Variants in SHF observed in about 807,000 individuals in gnomAD.
SHF encodes the protein Src homology 2 domain containing F, also known as SH2 domain-containing adapter protein F.
SHF carries 30 observed loss-of-function variants against 42.4 expected under a neutral mutation model. That is an observed-to-expected ratio of 0.71 (90% CI 0.53 to 0.96). The LOEUF (loss-of-function observed/expected upper bound fraction) is 0.96, where lower values mean the gene tolerates loss of function less well. Among genes scored for constraint, SHF ranks in the 40% least tolerant of loss-of-function variants. The pLI, the probability that SHF is intolerant of heterozygous loss-of-function variation, is 0.00. For missense variants in SHF, 598 were observed against 634.0 expected (o/e 0.94, Z 0.61); for synonymous variants, 264 against 269.9 (o/e 0.98, Z 0.21).
At chr15:45,180,586 T>C (rs901569519) in intron 1 of SHF, among the ~76,000 whole-genome samples, 4 of 152,250 alleles carry the variant, frequency 2.6e-5, no homozygotes, top group Non-Finnish European at 5.9e-5. Flanking sequence ...TGGATCACTT[T>C]GTTACCAGAA....
At chr15:45,187,108 T>C (rs1898456125) in intron 1 of SHF, among the ~76,000 whole-genome samples, 2 of 151,566 alleles carry the variant, frequency 1.3e-5, no homozygotes, top group South Asian at 4.2e-4. Context: ...CATCAACCAG[T>C]GGGGGTTGGG....
At chr15:45,187,312 C>T (rs894866488) in intron 1 of SHF, 142 bp downstream of exon 1, 3 of 798,582 alleles carry the variant, frequency 3.8e-6, no homozygotes, top group East Asian at 6.8e-5. Context: ...GGTGAAGGCT[C>T]GGAACCCCGG....
In SHF at chr15:45,171,944, CTT is replaced by C. The variant is rs1344103852; in HGVS notation, c.1217_1218del (p.Lys406ArgfsTer10). On this transcript the variant is annotated frameshift_variant, in exon 6 of 7. Transcript: ENST00000690270. LOFTEE classifies it high-confidence loss of function. ...CTGTTGCGCACCAGGTAGCTGGCCT[CTT>C]TGCACAGCCGGAGCAGGTTCTCGGC... ...TDAENLLRLC[K>X]EASYLVRNSE... 8 of 1,613,928 alleles carry C rather than the reference CTT, an allele frequency of 5.0e-6. No individual in the cohort carries two copies. The highest frequency in any genetic ancestry group is 6.8e-6 in the Non-Finnish European group (8 of 1,179,882).
intron 1 of SHF, 47 bp downstream of exon 1, chr15:45,187,407 C>A: frequency 8.1e-7 from 1 of 1,231,482 alleles, no homozygotes; most frequent in Non-Finnish European, 1.0e-6. Flanking sequence ...CCTCCAGACC[C>A]CTGACCGCCT....
In SHF at chr15:45,168,058, C is replaced by G; in HGVS notation, c.1356G>C (p.Pro452=). The stretch of plus-strand genomic sequence containing the variant: ...CAATTTCAGGGACGCTGCTGAAGGG[C>G]GGGCTGTTCTGGCCCAGCACATATT... The part of the protein sequence containing the change: ...EHKYVLGQNS[P]PFSSVPEIVH... Residue 452 remains proline, a synonymous_variant, in exon 7 of 7, where the codon CCG becomes CCC. Coordinates refer to ENST00000690270, the MANE Select transcript of SHF (RefSeq NM_001394037.1). 1 of 1,613,470 alleles carries G rather than the reference C, an allele frequency of 6.2e-7. No homozygotes were observed. Among genetic ancestry groups the G allele is most frequent in the Non-Finnish European group, 8.5e-7 (1 of 1,179,602 alleles).
Position 45,168,031 on chromosome 15 carries a change from C to T in SHF, c.1383G>A (p.Val461=). 1.2e-6 allele frequency: 2 copies of T among 1,613,736 alleles called. No individual in the cohort carries two copies. The highest frequency in any genetic ancestry group is 1.7e-6 in the Non-Finnish European group (2 of 1,179,734). Residue 461 remains valine (V), a synonymous_variant, in exon 7 of 7, where the codon GTG becomes GTA. Coordinates refer to ENST00000690270, the MANE Select transcript of SHF (RefSeq NM_001394037.1). ...SPPFSSVPEI[V]HHYASRKLPI... is the part of the protein sequence containing the mutation. ...GTAGCTTGCGGCTGGCATAGTGGTG[C>T]ACAATTTCAGGGACGCTGCTGAAGG...
At chr15:45,189,036 C>CA (rs1423128784), upstream of SHF, among the ~76,000 whole-genome samples, 3 of 151,652 alleles carry the variant, frequency 2.0e-5, no homozygotes, top group Admixed American at 6.6e-5. Context: ...ACCAAAAATA[C>CA]AAAAAAATTA....
At chr15:45,182,430 A>G (rs2141395224) in intron 1 of SHF, among the ~76,000 whole-genome samples, 1 of 152,340 alleles carries the variant, frequency 6.6e-6, no homozygotes, top group Middle Eastern at 3.4e-3. Context: ...TTCTTAGCCC[A>G]GAGGCTGGCA....
rs2141358715 is a variant in SHF, at chr15:45,175,321, AG to A, written c.744del (p.Trp249GlyfsTer117). ...TCTGGCAGGCGGGACTCCCGGGGCCAGGGGGCCCCCTCACCTTCCGCGGTGG... is the reference window on the plus strand; with the variant it reads ...TCTGGCAGGCGGGACTCCCGGGGCCAGGGGCCCCCTCACCTTCCGCGGTGG... ...DGATAEGEGAPWPRESRLPED... is the reference protein window; with the variant it reads ...DGATAEGEGAXWPRESRLPED... On this transcript the variant is annotated frameshift_variant, in exon 3 of 7. Transcript: ENST00000690270. LOFTEE classifies it high-confidence loss of function. The A allele has an allele frequency of 1.2e-6, 2 of 1,606,550 alleles. No homozygotes were observed. The highest frequency in any genetic ancestry group is 1.1e-5 in the South Asian group (1 of 89,608).
At chr15:45,178,534 CTTTTTTT>C (rs3067019) in intron 1 of SHF, among the ~76,000 whole-genome samples, 1 of 126,604 alleles carries the variant, frequency 7.9e-6, no homozygotes, top group Admixed American at 8.3e-5. Flanking sequence ...TTCCTTCTTT[CTTTTTTT>C]TTTTTTTTTT....
At chr15:45,188,591 GC>G (rs1567040765), upstream of SHF, among the ~76,000 whole-genome samples, 1 of 152,120 alleles carries the variant, frequency 6.6e-6, no homozygotes, top group African/African-American at 2.4e-5. Flanking sequence ...CCCTAGAGAC[GC>G]CCACTTCTCC....
At chr15:45,189,079 G>C (rs1338226154), upstream of SHF, among the ~76,000 whole-genome samples, 1 of 151,766 alleles carries the variant, frequency 6.6e-6, no homozygotes, top group Non-Finnish European at 1.5e-5. Context: ...TGTAGTCCCA[G>C]CTACTCGGGA....
At chr15:45,170,576 G>T in intron 6 of SHF, 1 of 489,096 alleles carries the variant, frequency 2.0e-6, no homozygotes, top group Non-Finnish European at 3.3e-6. Flanking sequence ...CACATAGCTA[G>T]TGTATCAAAT....
intron 5 of SHF, 58 bp downstream of exon 5, chr15:45,172,089 G>A (rs768849684): frequency 1.2e-6 from 2 of 1,613,858 alleles, no homozygotes; most frequent in Admixed American, 3.3e-5. Flanking sequence ...CTGTAGGGAA[G>A]CCAGTGCCAG....
At chr15:45,171,426 C>G (rs1706817) in intron 6 of SHF, 65,952 of 167,972 alleles carry the variant, frequency 0.39, 16,181 homozygotes, top group Non-Finnish European at 0.55. Context: ...ACCAGCCCCC[C>G]CCAACACCCT....
At chr15:45,187,168 G>C (rs1343326616) in intron 1 of SHF, among the ~76,000 whole-genome samples, 2 of 152,228 alleles carry the variant, frequency 1.3e-5, no homozygotes, top group Non-Finnish European at 2.9e-5. Flanking sequence ...CAGGCTAGAG[G>C]GGGCTACGAA....
chr15:45,198,695 TA>T (rs1400075897), intron 2 of SHF: 1 of 1,522,684 alleles, frequency 6.6e-7, no homozygotes, highest in Non-Finnish European at 8.8e-7. Context: ...CGGGGACCCG[TA>T]GGGGTTGGCT....
chr15:45,198,751 G>C, intron 2 of SHF: 1 of 1,599,016 alleles, frequency 6.3e-7, no homozygotes. Context: ...CAGTTTGCGC[G>C]TCATTAAATG....
rs1898487324 is a variant in SHF at position 45,187,466 on chromosome 15, G to A, written c.486C>T (p.Ala162=). Residue 162 remains alanine (A), a synonymous_variant, in exon 1 of 7, where the codon GCC becomes GCT. Coordinates refer to ENST00000690270, the MANE Select transcript of SHF (RefSeq NM_001394037.1). ...GCGCGGCACTCACCCTATCGCTGCT[G>A]GCGGGGGGTCCGGAGATCCGCTCAT... ...PADERISGPP[A]SSDRLAILED... is the part of the protein sequence containing the mutation. 8.1e-7 allele frequency: 1 copy of A among 1,232,586 alleles called. No homozygotes were observed. The highest frequency in any genetic ancestry group is 1.5e-5 in the African/African-American group (1 of 64,528). 76.4% of individuals were successfully genotyped at this position (1,232,586 alleles called of 1,614,324 possible).
Sources: allele counts gnomAD v4.1 joint callset (sites outside exome capture counted in the v4.1 genomes callset), GRCh38; gene constraint gnomAD v4.1.1; transcripts MANE v1.5; gene names NCBI Gene and HGNC (gene_info 2026-07-23, HGNC 2026-07-21).